Variants in ARID4A observed in about 807,000 individuals in gnomAD.
ARID4A encodes AT-rich interactive domain-containing protein 4A.
In ARID4A, 39 loss-of-function variants were observed where a neutral mutation model predicts 148.6. The ratio of observed to expected loss-of-function variants is 0.26; its 90% confidence interval spans 0.20 to 0.34. The LOEUF is 0.34. ARID4A is among the 10% of genes least tolerant of loss of function. The probability of loss-of-function intolerance (pLI) is 1.00; values close to 1 mark genes in which losing one functional copy is unlikely to be tolerated. For synonymous variants in ARID4A, 475 were observed against 481.2 expected (o/e 0.99, Z 0.17); for missense variants, 1,265 against 1,449.1 (o/e 0.87, Z 2.06).
intron 13 of ARID4A, 35 bp downstream of exon 13, chr14:58,346,540 AT>A (rs754019013): frequency 4.8e-6 from 7 of 1,450,816 alleles, no homozygotes; most frequent in Non-Finnish European, 6.7e-6. Flanking sequence ...ACATGTATTG[AT>A]GTGGTAAAAA....
chr14:58,301,501 C>A, intron 2 of ARID4A, 79 bp from the exon 3 acceptor site: 2 of 959,118 alleles, frequency 2.1e-6, no homozygotes, highest in Non-Finnish European at 1.6e-6. Flanking sequence ...ATGCTTCAAA[C>A]ACAACCTTTT....
intron 11 of ARID4A, among the ~76,000 whole-genome samples, chr14:58,340,287 G>T (rs890302923): frequency 6.6e-6 from 1 of 151,110 alleles, no homozygotes; most frequent in East Asian, 1.9e-4. Context: ...GTGCAGTGGC[G>T]CAGTCTCAGC....
At chr14:58,351,512 G>A (rs768526891) in intron 16 of ARID4A, 189 bp downstream of exon 16, 10 of 705,432 alleles carry the variant, frequency 1.4e-5, no homozygotes, top group South Asian at 4.7e-5. Flanking sequence ...TATACTGGTC[G>A]CACCATTTTA....
intron 7 of ARID4A, among the ~76,000 whole-genome samples, chr14:58,319,379 C>T: frequency 6.6e-6 from 1 of 151,798 alleles, no homozygotes; most frequent in Non-Finnish European, 1.5e-5. Flanking sequence ...AGCCACTGCG[C>T]CAGGCCCAAA....
Position 58,364,517 on chromosome 14 carries a change from T to G in ARID4A, c.2428T>G (p.Ser810Ala), listed in dbSNP as rs1415313473. The G allele has an allele frequency of 6.2e-7, 1 of 1,612,030 alleles. No individual in the cohort carries two copies. The highest frequency in any genetic ancestry group is 1.1e-5 in the South Asian group (1 of 90,342). The change falls in exon 20 of 24, where the codon TCA (serine) becomes GCA (alanine). Residue 810 changes from serine (S) to alanine (A), a missense_variant. Ser to Ala is a moderately conservative substitution (Grantham distance 99). Around this residue, in one of 9 missense-constraint regions of ARID4A, gnomAD observed 666 missense variants for 730.9 expected, o/e 0.91. Coordinates refer to ENST00000355431, the MANE Select transcript of ARID4A (RefSeq NM_002892.4). ...TCTTTCTTTAGAAATTATAAAGATT[T>G]CATCATTTGGCCAGAATGAAGCAGG... ...KDLSLEIIKI[S>A]SFGQNEAGSE...
chr14:58,348,822 G>GT (rs1003097441), intron 15 of ARID4A, among the ~76,000 whole-genome samples: 28 of 150,912 alleles, frequency 1.9e-4, no homozygotes, highest in South Asian at 1.0e-3. Flanking sequence ...TTTCCAAATT[G>GT]TTTTTTTTTA....
intron 3 of ARID4A, among the ~76,000 whole-genome samples, chr14:58,301,998 G>A (rs1329235716): frequency 1.3e-5 from 2 of 152,116 alleles, no homozygotes; most frequent in African/African-American, 2.4e-5. Flanking sequence ...GACAATTTTA[G>A]TGTTTAGGAC....
intron 18 of ARID4A, 29 bp downstream of exon 18, chr14:58,359,245 A>G (rs1043617897): frequency 6.5e-7 from 1 of 1,541,280 alleles, no homozygotes; most frequent in African/African-American, 1.4e-5. Flanking sequence ...GTCCTTTATA[A>G]TATGTATAGG....
At position 58,372,258 on chromosome 14, in the gene ARID4A, C is replaced by A; in HGVS notation, c.*269C>A. Reference sequence around the variant, plus strand: ...GTTTTTCGTTTGTTGTGATATAGAACAAAGGGCACTTAGCAAATTTGAATT... The same window carrying A: ...GTTTTTCGTTTGTTGTGATATAGAAAAAAGGGCACTTAGCAAATTTGAATT... On this transcript the variant is annotated 3_prime_UTR_variant, in exon 24 of 24. Transcript: ENST00000355431. The A allele has an allele frequency of 2.9e-6, 1 of 348,346 alleles. No homozygotes were observed. The highest frequency in any genetic ancestry group is 5.2e-6 in the Non-Finnish European group (1 of 190,676). 21.6% of individuals were successfully genotyped at this position (348,346 alleles called of 1,614,324 possible).
At chr14:58,314,584 C>T (rs2032278498) in intron 5 of ARID4A, among the ~76,000 whole-genome samples, 1 of 152,042 alleles carries the variant, frequency 6.6e-6, no homozygotes, top group Non-Finnish European at 1.5e-5. Context: ...TGCCACCATA[C>T]CCAGCTAATT....
chr14:58,348,014 C>A (rs1377202198), intron 15 of ARID4A, 136 bp downstream of exon 15: 3 of 612,712 alleles, frequency 4.9e-6, no homozygotes, highest in Admixed American at 6.5e-5. Context: ...TAGCTAGCTA[C>A]TTTTTTCGAA....
At chr14:58,304,810 A>G in intron 3 of ARID4A, 134 bp from the exon 4 acceptor site, 1 of 701,852 alleles carries the variant, frequency 1.4e-6, no homozygotes, top group South Asian at 1.9e-5. Flanking sequence ...AGAGAATGTA[A>G]TAAGTATTAC....
At chr14:58,306,565 C>G (rs945702609) in intron 5 of ARID4A, among the ~76,000 whole-genome samples, 1 of 152,128 alleles carries the variant, frequency 6.6e-6, no homozygotes, top group Admixed American at 6.5e-5. Flanking sequence ...ATTTTTGATA[C>G]AGTGTGGGTG....
intron 8 of ARID4A, 97 bp downstream of exon 8, chr14:58,323,714 C>G (rs1303159212): frequency 9.0e-7 from 1 of 1,107,056 alleles, no homozygotes; most frequent in South Asian, 1.5e-5. Flanking sequence ...AAGTATTAAA[C>G]AAATTTGGAC....
rs1033408023 is a variant in ARID4A at position 58,347,577 on chromosome 14, G to A, written c.1173-70G>A. On this transcript the variant is annotated intron_variant, in intron 14 of 23. Transcript: ENST00000355431. ...ACTGGGCTTTACTTTTTAAAAATGT[G>A]TTTAATAACATGAATTCAAGTTAGA... is the stretch of plus-strand genomic sequence containing the variant. The A allele has an allele frequency of 2.0e-5, 25 of 1,236,224 alleles. No individual in the cohort carries two copies. In the African/African-American group the frequency reaches 3.5e-4, roughly 17 times the overall value. 76.6% of individuals were successfully genotyped at this position (1,236,224 alleles called of 1,614,324 possible).
intron 21 of ARID4A, 143 bp from the exon 22 acceptor site, chr14:58,365,878 TTTG>T: frequency 7.3e-6 from 6 of 820,898 alleles, no homozygotes; most frequent in Non-Finnish European, 1.1e-5. Context: ...TTTTTGTTTT[TTTG>T]TTGTTTTTAT....
At position 58,312,217 on chromosome 14, in the gene ARID4A, AT is replaced by A. The variant is rs1167025695; in HGVS notation, c.274+6122del. Among the ~76,000 whole-genome samples the A allele has an allele frequency of 7.9e-3, 1,133 of 142,806 alleles. 2 individuals carry two copies. The highest frequency in any genetic ancestry group is 0.011 in the Middle Eastern group (3 of 272). 93.7% of individuals were successfully genotyped at this position (142,806 alleles called of 152,430 possible). A position where few individuals can be genotyped will look rare whatever the true frequency, so the allele number is the denominator to read the frequency against. On this transcript the variant is annotated intron_variant, in intron 5 of 23. Coordinates refer to ENST00000355431, the MANE Select transcript of ARID4A (RefSeq NM_002892.4). ...GATAAATACATACTATTAATGTTAAATTTTTTTTTTTTTTTTTGAGATGGAG... is the reference window on the plus strand; with the variant it reads ...GATAAATACATACTATTAATGTTAAATTTTTTTTTTTTTTTTGAGATGGAG...
At chr14:58,298,757 A>C (rs2030788202) in intron 1 of ARID4A, 57 bp downstream of exon 1, 1 of 152,424 alleles carries the variant, frequency 6.6e-6, no homozygotes, top group Non-Finnish European at 1.5e-5. Flanking sequence ...CAGTAGCAGC[A>C]GCTGCTGCTG....
At chr14:58,347,934 A>G (rs552930170) in intron 15 of ARID4A, 56 bp downstream of exon 15, 3 of 1,260,598 alleles carry the variant, frequency 2.4e-6, no homozygotes, top group Non-Finnish European at 3.3e-6. Flanking sequence ...ATTTTTTATT[A>G]TAGCCATTTT....
Sources: gnomAD v4.1 joint callset for allele counts (sites outside exome capture counted in the v4.1 genomes callset) on GRCh38, gnomAD v4.1.1 for gene constraint, gnomAD v4.1.1 regional missense constraint, MANE v1.5 for transcripts, NCBI Gene and HGNC (gene_info 2026-07-23, HGNC 2026-07-21) for gene names.